The following RNF128 variants were observed in gnomAD, a reference collection of about 807,000 sequenced individuals.
RNF128 encodes the protein E3 ubiquitin-protein ligase RNF128.
A neutral mutation model predicts 26.2 loss-of-function variants in RNF128; 13 were observed. That is an observed-to-expected ratio of 0.50 (90% confidence interval 0.32 to 0.79). RNF128 has a LOEUF of 0.79. Among genes scored for constraint, RNF128 ranks in the 30% least tolerant of loss-of-function variants. The probability of loss-of-function intolerance (pLI) is 0.03; values close to 1 mark genes in which losing one functional copy is unlikely to be tolerated. For synonymous variants in RNF128, 149 were observed against 142.5 expected (o/e 1.05, Z -0.32); for missense variants, 315 against 349.7 (o/e 0.90, Z 0.79).
intron 5 of RNF128, 86 bp from the exon 6 acceptor site, chrX:106,790,980 G>A: frequency 2.4e-6 from 2 of 832,550 alleles, no homozygotes; most frequent in South Asian, 5.4e-5. Context: ...GCTCCAATGA[G>A]TCACCTATAA....
Position 106,727,302 on chromosome X carries a change from A to T in RNF128, c.389A>T (p.Asp130Val). ...CGCGGCGGGGGCTGCACCTTCGCAG[A>T]CAAGATCCATCTGGCTTATGAGAGA... ...IQRGGGCTFA[D>V]KIHLAYERGA... The change falls in exon 1 of 7, where the codon GAC (aspartate) becomes GTC (valine). Residue 130 changes from aspartate (D) to valine (V), a missense_variant. Physicochemically the swap from Asp to Val is radical, Grantham distance 152. Coordinates refer to ENST00000255499, the MANE Select transcript of RNF128 (RefSeq NM_194463.2). The T allele has an allele frequency of 8.3e-7, 1 of 1,211,663 alleles. No individual in the cohort carries two copies. The highest frequency in any genetic ancestry group is 1.1e-6 in the Non-Finnish European group (1 of 895,438).
intron 1 of RNF128, among the ~76,000 whole-genome samples, chrX:106,764,632 A>G (rs1428728075): frequency 9.0e-6 from 1 of 110,888 alleles, no homozygotes; most frequent in Non-Finnish European, 1.9e-5. Flanking sequence ...GCACCACTGC[A>G]CTCCACTCTG....
At chrX:106,732,519 G>A (rs945959853) in intron 1 of RNF128, among the ~76,000 whole-genome samples, 2 of 111,462 alleles carry the variant, frequency 1.8e-5, no homozygotes, top group African/African-American at 3.3e-5. Flanking sequence ...CTAGTGGATC[G>A]GAATTCAATT....
Position 106,748,592 on chromosome X carries a change from TA to T in RNF128, c.484+21201del, listed in dbSNP as rs931320348. 1.4e-4 allele frequency among the ~76,000 whole-genome samples: 16 copies of T among 112,056 alleles called. 1 individual carries two copies. The highest frequency in any genetic ancestry group is 4.9e-4 in the African/African-American group (15 of 30,924). ...TACACAATGGAATACTATACAGCCT[TA>T]AAAAATGAAATCCTGTCATTTGTAG... On this transcript the variant is annotated intron_variant, in intron 1 of 6. Coordinates refer to ENST00000255499, the MANE Select transcript of RNF128 (RefSeq NM_194463.2).
chrX:106,740,728 C>T (rs1328738873), intron 1 of RNF128, among the ~76,000 whole-genome samples: 1 of 111,030 alleles, frequency 9.0e-6, no homozygotes, highest in East Asian at 2.8e-4. Context: ...AGCAACCACA[C>T]CTGGCTAGAA....
intron 1 of RNF128, among the ~76,000 whole-genome samples, chrX:106,699,019 A>G (rs907880265): frequency 9.0e-6 from 1 of 111,324 alleles, no homozygotes; most frequent in Non-Finnish European, 1.9e-5. Flanking sequence ...CTCATTAAAC[A>G]TAAAGTTCTC....
intron 2 of RNF128, among the ~76,000 whole-genome samples, chrX:106,780,038 A>T (rs1252995989): frequency 9.0e-6 from 1 of 111,452 alleles, no homozygotes. Context: ...ATGGTGACTT[A>T]AGTACAGAAA....
intron 1 of RNF128, among the ~76,000 whole-genome samples, chrX:106,695,802 G>T (rs1047319697): frequency 3.6e-5 from 4 of 111,724 alleles, no homozygotes; most frequent in Admixed American, 2.9e-4. Context: ...GTTTCCTTTT[G>T]CATGAACACA....
intron 1 of RNF128, among the ~76,000 whole-genome samples, chrX:106,708,214 G>A (rs1404922188): frequency 9.0e-6 from 1 of 111,692 alleles, no homozygotes; most frequent in Admixed American, 9.5e-5. Flanking sequence ...ACAGCTATTT[G>A]ATGTCTCATC....
At chrX:106,744,554 G>A (rs1929761795) in intron 1 of RNF128, among the ~76,000 whole-genome samples, 1 of 110,939 alleles carries the variant, frequency 9.0e-6, no homozygotes, top group Non-Finnish European at 1.9e-5. Context: ...CTGCCTCCCA[G>A]GTTCAAGTGA....
At chrX:106,710,853 C>T (rs1367730320) in intron 1 of RNF128, among the ~76,000 whole-genome samples, 1 of 108,442 alleles carries the variant, frequency 9.2e-6, no homozygotes, top group African/African-American at 3.4e-5. Context: ...AAATAATAGT[C>T]TCTCTAGGTT....
intron 1 of RNF128, among the ~76,000 whole-genome samples, chrX:106,760,530 T>TA (rs1930102504): frequency 8.9e-6 from 1 of 112,071 alleles, no homozygotes; most frequent in Non-Finnish European, 1.9e-5. Flanking sequence ...CTTATATACT[T>TA]ACTGTTGGTG....
Position 106,732,404 on chromosome X carries a change from A to G in RNF128, c.484+5007A>G, listed in dbSNP as rs113408900. Among the ~76,000 whole-genome samples the G allele has an allele frequency of 9.5e-3, 1,060 of 112,041 alleles. 14 individuals are homozygous for G. Among genetic ancestry groups the G allele is most frequent in the African/African-American group, 0.033 (1,011 of 30,889 alleles). ...TGTTTTGTTAATCTTTGTAATCTCT[A>G]TAGAAACCTTTGTACTATACATGCT... On this transcript the variant is annotated intron_variant, in intron 1 of 6. Coordinates refer to ENST00000255499, the MANE Select transcript of RNF128 (RefSeq NM_194463.2).
chrX:106,787,995 G>A lies in RNF128; in HGVS notation c.882G>A (p.Thr294=), dbSNP rs367623563. The change falls in exon 4 of 7, where the codon ACG becomes ACA. Residue 294 remains threonine (T), a synonymous_variant. Transcript: ENST00000255499. Reference sequence around the variant, plus strand: ...CAAATGATTTGGTACGCATCTTAACGTGCAAGTAAGTTTGATTTTCTTCTA... The same window carrying A: ...CAAATGATTTGGTACGCATCTTAACATGCAAGTAAGTTTGATTTTCTTCTA... ...YKPNDLVRIL[T]CNHIFHKTCV... The A allele has an allele frequency of 2.9e-5, 32 of 1,119,111 alleles. No homozygotes were observed. Among genetic ancestry groups the A allele is most frequent in the South Asian group, 9.1e-5 (4 of 44,028 alleles). The allele number at this position is 1,119,111 out of a possible 1,213,427, so 92.2% of individuals were successfully genotyped here.
intron 4 of RNF128, among the ~76,000 whole-genome samples, chrX:106,788,475 GTAATTATATATTATAATTATAATTATA>G (rs1930724902): frequency 2.4e-5 from 1 of 42,001 alleles, no homozygotes; most frequent in Non-Finnish European, 3.9e-5. Flanking sequence ...TATTATAATT[GTAATTATATATTATAATTATAATTATA>G]TAATTATAAT....
chrX:106,758,515 T>C (rs1027494203), intron 1 of RNF128, among the ~76,000 whole-genome samples: 2 of 111,432 alleles, frequency 1.8e-5, no homozygotes, highest in Non-Finnish European at 3.8e-5. Context: ...AGGAAACATA[T>C]TACCTGACTT....
intron 1 of RNF128, among the ~76,000 whole-genome samples, chrX:106,717,607 G>A (rs1929240209): frequency 8.9e-6 from 1 of 112,164 alleles, no homozygotes; most frequent in Non-Finnish European, 1.9e-5. Context: ...CTCTAAGAAT[G>A]TTTATTCTAA....
At chrX:106,788,475 G>GTAATTATATATTATAATTATAATTATA (rs1930724902) in intron 4 of RNF128, among the ~76,000 whole-genome samples, 1 of 42,001 alleles carries the variant, frequency 2.4e-5, no homozygotes, top group Non-Finnish European at 3.9e-5. Context: ...TATTATAATT[G>GTAATTATATATTATAATTATAATTATA]TAATTATATA....
intron 1 of RNF128, among the ~76,000 whole-genome samples, chrX:106,736,460 T>A (rs1299920365): frequency 9.0e-6 from 1 of 111,453 alleles, no homozygotes; most frequent in African/African-American, 3.3e-5. Context: ...TACACACCCC[T>A]CTTAGAGCTT....
Sources: gnomAD v4.1 joint callset for allele counts (sites outside exome capture counted in the v4.1 genomes callset) on GRCh38, gnomAD v4.1.1 for gene constraint, MANE v1.5 for transcripts, NCBI Gene and HGNC (gene_info 2026-07-23, HGNC 2026-07-21) for gene names.